MRTFA: variants seen among roughly 807,000 people sequenced by gnomAD.
MRTFA encodes myocardin related transcription factor A.
In MRTFA, 20 loss-of-function variants were observed where a neutral mutation model predicts 83.5. The ratio of observed to expected loss-of-function variants is 0.24; its 90% CI spans 0.17 to 0.35. The LOEUF is 0.35. Among genes scored for constraint, MRTFA ranks in the 10% least tolerant of loss-of-function variants. The pLI is 1.00. For missense variants in MRTFA, 1,200 were observed against 1,224.7 expected (o/e 0.98, Z 0.30); for synonymous variants, 659 against 541.2 (o/e 1.22, Z -3.02).
chr22:40,552,092 C>T lies in MRTFA; in HGVS notation c.241+14G>A, dbSNP rs1405059026. Reference sequence around the variant, plus strand: ...GTTCAAATCAGGGAATGCAATAATTCTGTATCTACTCACCATTCTTCCGCT... The same window carrying T: ...GTTCAAATCAGGGAATGCAATAATTTTGTATCTACTCACCATTCTTCCGCT... On this transcript the variant is annotated intron_variant, in intron 3 of 14. Transcript: ENST00000355630. The T allele has an allele frequency of 5.0e-6, 2 of 398,444 alleles. No individual in the cohort carries two copies. The highest frequency in any genetic ancestry group is 8.9e-6 in the Non-Finnish European group (2 of 225,902). The allele number at this position is 398,444 out of a possible 1,614,324, so 24.7% of individuals were successfully genotyped here.
rs765020058 is a variant in MRTFA at position 40,429,658 on chromosome 22, C to G, written c.549G>C (p.Leu183=). The G allele has an allele frequency of 6.8e-6, 11 of 1,614,128 alleles. No homozygotes were observed. Among genetic ancestry groups the G allele is most frequent in the Non-Finnish European group, 8.5e-6 (10 of 1,180,020 alleles). Residue 183 remains leucine (L), a synonymous_variant, in exon 7 of 15, where the codon CTG becomes CTC. Coordinates refer to ENST00000355630, the MANE Select transcript of MRTFA (RefSeq NM_020831.6). Reference sequence around the variant, plus strand: ...CAACAGGAAGGATGTTCTTCTCCACCAGCTCCATGGGGCCAGGCCTCTGTG... The same window carrying G: ...CAACAGGAAGGATGTTCTTCTCCACGAGCTCCATGGGGCCAGGCCTCTGTG...
intron 1 of MRTFA, among the ~76,000 whole-genome samples, chr22:40,608,884 A>T (rs1292993902): frequency 6.6e-6 from 1 of 152,234 alleles, no homozygotes; most frequent in Non-Finnish European, 1.5e-5. Flanking sequence ...ATATATGAAA[A>T]TACTAAAAAT....
At chr22:40,452,868 G>C (rs1340945091) in intron 4 of MRTFA, among the ~76,000 whole-genome samples, 2 of 151,524 alleles carry the variant, frequency 1.3e-5, no homozygotes, top group Non-Finnish European at 2.9e-5. Flanking sequence ...CACAGCTCAT[G>C]GTTGGATTCT....
At chr22:40,544,000 T>C (rs1007565396) in intron 3 of MRTFA, among the ~76,000 whole-genome samples, 2 of 152,072 alleles carry the variant, frequency 1.3e-5, no homozygotes, top group Non-Finnish European at 2.9e-5. Flanking sequence ...TGGAACCAAA[T>C]AGCAAGCTCA....
At chr22:40,548,072 A>T (rs2055392756) in intron 3 of MRTFA, among the ~76,000 whole-genome samples, 1 of 151,940 alleles carries the variant, frequency 6.6e-6, no homozygotes, top group Admixed American at 6.6e-5. Context: ...AAAGGGCAAC[A>T]GGGCACAGTG....
chr22:40,474,091 G>C (rs965850862), intron 3 of MRTFA, among the ~76,000 whole-genome samples: 11 of 152,110 alleles, frequency 7.2e-5, no homozygotes, highest in African/African-American at 2.7e-4. Context: ...AAGTAATTGA[G>C]GCTTTTGTCA....
intron 3 of MRTFA, among the ~76,000 whole-genome samples, chr22:40,523,897 C>T (rs2054914616): frequency 6.6e-6 from 1 of 151,922 alleles, no homozygotes; most frequent in African/African-American, 2.4e-5. Context: ...CTTATCGATT[C>T]CCAAGAGAAT....
chr22:40,412,777 T>A (rs1376511777), intron 14 of MRTFA: 1 of 152,150 alleles, frequency 6.6e-6, no homozygotes, highest in Admixed American at 6.6e-5. Context: ...GGGAGATGGA[T>A]GGCAGTGATG....
chr22:40,412,306 T>C (rs2052575048), intron 14 of MRTFA: 1 of 155,488 alleles, frequency 6.4e-6, no homozygotes, highest in Non-Finnish European at 1.4e-5. Flanking sequence ...GTGGCTACTG[T>C]AAAATTAAAT....
At chr22:40,459,822 C>CACATACATACATATAT (rs1308675939) in intron 4 of MRTFA, among the ~76,000 whole-genome samples, 1 of 68,266 alleles carries the variant, frequency 1.5e-5, no homozygotes, top group Non-Finnish European at 2.8e-5. Flanking sequence ...CACACACACA[C>CACATACATACATATAT]ATATATACAT....
intron 3 of MRTFA, among the ~76,000 whole-genome samples, chr22:40,471,219 TAA>T (rs61206773): frequency 0.039 from 1,668 of 42,738 alleles, 38 homozygotes; most frequent in African/African-American, 0.13. Flanking sequence ...CTGTTTCTAT[TAA>T]AAAAAAAAAA....
chr22:40,415,896 G>C (rs1347655309), intron 14 of MRTFA, among the ~76,000 whole-genome samples: 1 of 151,842 alleles, frequency 6.6e-6, no homozygotes, highest in Non-Finnish European at 1.5e-5. Context: ...GCCACTACTT[G>C]TCCTCCCGAC....
intron 4 of MRTFA, among the ~76,000 whole-genome samples, chr22:40,457,473 A>AGAAAGAAAGAAAGAAAGGAAGAAAGAAG (rs2053612328): frequency 2.1e-5 from 3 of 143,712 alleles, no homozygotes; most frequent in South Asian, 2.2e-4. Flanking sequence ...AAAGAAAGAA[A>AGAAAGAAAGAAAGAAAGGAAGAAAGAAG]GAAAGAAAGA....
At chr22:40,471,393 A>T (rs1210226724) in intron 3 of MRTFA, among the ~76,000 whole-genome samples, 2 of 152,008 alleles carry the variant, frequency 1.3e-5, no homozygotes, top group Non-Finnish European at 2.9e-5. Context: ...ACAGAGCAAG[A>T]CTCCATCTCA....
chr22:40,509,982 T>TTAAAAAAAAA (rs1555989265), intron 3 of MRTFA, among the ~76,000 whole-genome samples: 4 of 108,116 alleles, frequency 3.7e-5, no homozygotes, highest in East Asian at 3.6e-4. Context: ...CCAAGTACTT[T>TTAAAAAAAAA]AAAAAAAAAA....
At chr22:40,599,285 C>T (rs902925060) in intron 1 of MRTFA, among the ~76,000 whole-genome samples, 1 of 151,940 alleles carries the variant, frequency 6.6e-6, no homozygotes, top group Non-Finnish European at 1.5e-5. Context: ...GCAACAAGAA[C>T]GAAACTCCGT....
intron 2 of MRTFA, among the ~76,000 whole-genome samples, chr22:40,584,911 G>T (rs557319569): frequency 6.6e-6 from 1 of 152,160 alleles, no homozygotes; most frequent in East Asian, 1.9e-4. Context: ...TGGGCGTGGT[G>T]GCGCACGCCT....
At chr22:40,429,515 A>G (rs984276989) in intron 7 of MRTFA, 91 bp downstream of exon 7, 6 of 1,479,082 alleles carry the variant, frequency 4.1e-6, no homozygotes, top group Non-Finnish European at 5.6e-6. Flanking sequence ...TAAGAAGTCA[A>G]GAGCCTCAGC....
chr22:40,493,181 T>C (rs1440504730), intron 3 of MRTFA, among the ~76,000 whole-genome samples: 1 of 152,172 alleles, frequency 6.6e-6, no homozygotes, highest in African/African-American at 2.4e-5. Context: ...CCCAGCTGAT[T>C]ATGAAAACAA....
Sources: gnomAD v4.1 joint callset for allele counts (sites outside exome capture counted in the v4.1 genomes callset) on GRCh38, gnomAD v4.1.1 for gene constraint, MANE v1.5 for transcripts, NCBI Gene and HGNC (gene_info 2026-07-23, HGNC 2026-07-21) for gene names.